The following ANKH variants were observed in gnomAD, a reference collection of about 807,000 sequenced individuals.
ANKH encodes the protein mineralization regulator ANKH.
A neutral mutation model predicts 49.0 loss-of-function variants in ANKH; 15 were observed. The ratio of observed to expected loss-of-function variants is 0.31; its 90% confidence interval spans 0.20 to 0.47. The LOEUF (loss-of-function observed/expected upper bound fraction) is 0.47. Ranked by LOEUF, ANKH falls within the 20% of genes least tolerant of loss-of-function variation. The pLI is 1.00. For missense variants in ANKH, 429 were observed against 652.0 expected, an observed-to-expected ratio of 0.66 and a Z score of 3.72; for synonymous variants, 273 against 260.0, an observed-to-expected ratio of 1.05 and a Z score of -0.48.
At chr5:14,749,420 T>C (rs1367875304) in intron 5 of ANKH, 114 bp from the exon 6 acceptor site, 39 of 1,164,020 alleles carry the variant, frequency 3.4e-5, no homozygotes, top group Non-Finnish European at 4.8e-5. Context: ...TTCACTATAC[T>C]TGAAAGTAAT....
intron 1 of ANKH, among the ~76,000 whole-genome samples, chr5:14,843,175 CTTTTT>C (rs34837612): frequency 3.0e-5 from 4 of 132,252 alleles, no homozygotes; most frequent in Non-Finnish European, 3.2e-5. Context: ...CCAGGGTTCT[CTTTTT>C]TTTTTTTTTT....
chr5:14,853,099 A>G (rs532645701), intron 1 of ANKH, among the ~76,000 whole-genome samples: 4 of 152,210 alleles, frequency 2.6e-5, no homozygotes, highest in African/African-American at 9.6e-5. Context: ...CTTGGCACCA[A>G]CCTCCCCCCA....
At chr5:14,857,123 C>T in intron 1 of ANKH, among the ~76,000 whole-genome samples, 1 of 152,190 alleles carries the variant, frequency 6.6e-6, no homozygotes, top group Middle Eastern at 3.4e-3. Context: ...ATTTGCAGTA[C>T]ATATCGGGTC....
chr5:14,713,795 C>CT lies in ANKH; in HGVS notation c.1142-129dup. The CT allele has an allele frequency of 7.5e-7, 1 of 1,338,686 alleles. No homozygotes were observed. Among genetic ancestry groups the CT allele is most frequent in the Non-Finnish European group, 1.1e-6 (1 of 944,900 alleles). 82.9% of individuals were successfully genotyped at this position (1,338,686 alleles called of 1,614,324 possible). A position where few individuals can be genotyped will look rare whatever the true frequency, so the allele number is the denominator to read the frequency against. ...GGACCCTGGCCTTGCTGTTGAGCCG[C>CT]TGGCCACCTCATCTTCCTGCCAGGG... is the stretch of plus-strand genomic sequence containing the variant. On this transcript the variant is annotated intron_variant, in intron 9 of 11. Coordinates refer to ENST00000284268, the MANE Select transcript of ANKH (RefSeq NM_054027.6). This position sits in a 1 kb window ranked among gnomAD's most constrained non-coding sequence, Gnocchi z 4.4.
Position 14,711,113 on chromosome 5 carries a change from CA to C in ANKH, c.*83del. ...CCAAAACAAAACAAAAAAAAGGGAA[CA>C]AAATACGATGGGAGAGGGAAGAGAT... is the stretch of plus-strand genomic sequence containing the variant. On this transcript the variant is annotated 3_prime_UTR_variant, in exon 12 of 12. Transcript: ENST00000284268. The C allele has an allele frequency of 8.2e-7, 1 of 1,226,684 alleles. No homozygotes were observed. Among genetic ancestry groups the C allele is most frequent in the Non-Finnish European group, 1.2e-6 (1 of 829,372 alleles). The allele number at this position is 1,226,684 out of a possible 1,614,324, so 76.0% of individuals were successfully genotyped here.
chr5:14,781,764 T>G (rs931356986), intron 1 of ANKH, among the ~76,000 whole-genome samples: 1 of 152,202 alleles, frequency 6.6e-6, no homozygotes, highest in African/African-American at 2.4e-5. Context: ...CCCCAAAGCT[T>G]CCTGTGCCAT....
chr5:14,725,808 C>T lies in ANKH; in HGVS notation c.1012-8973G>A, dbSNP rs894500904. ...GTTGCCAGGCTGGAGTGCAGTGGCA[C>T]GATCTTGGCTCACTGCAATCTCCGC... On this transcript the variant is annotated intron_variant, in intron 8 of 11. Coordinates refer to ENST00000284268, the MANE Select transcript of ANKH (RefSeq NM_054027.6). The surrounding 1 kb of genome is among the most constrained non-coding windows in gnomAD (Gnocchi z 4.0). 4.6e-5 allele frequency among the ~76,000 whole-genome samples: 7 copies of T among 152,172 alleles called. No individual in the cohort carries two copies. The highest frequency in any genetic ancestry group is 2.1e-4 in the South Asian group (1 of 4,828).
intron 1 of ANKH, among the ~76,000 whole-genome samples, chr5:14,813,656 A>T (rs1740951078): frequency 6.6e-6 from 1 of 152,146 alleles, no homozygotes; most frequent in Non-Finnish European, 1.5e-5. Flanking sequence ...CGTCTATCAG[A>T]GGCTGAGCTT....
chr5:14,838,058 A>C (rs553786263), intron 1 of ANKH, among the ~76,000 whole-genome samples: 1 of 152,320 alleles, frequency 6.6e-6, no homozygotes, highest in East Asian at 1.9e-4. Flanking sequence ...GTGGGAACTG[A>C]ACAATGAGAA....
intron 2 of ANKH, 112 bp downstream of exon 2, chr5:14,768,863 A>T (rs1230145363): frequency 1.7e-6 from 2 of 1,209,490 alleles, no homozygotes; most frequent in Non-Finnish European, 2.4e-6. Flanking sequence ...TTCATAAGAA[A>T]CATTTGATAA....
At chr5:14,870,049 G>GGAA (rs77268927) in intron 1 of ANKH, 80,962 of 151,752 alleles carry the variant, frequency 0.53, 21,762 homozygotes, top group Middle Eastern at 0.64. Flanking sequence ...GGTGGAGCAG[G>GGAA]GAAGAAGCCC....
chr5:14,862,223 C>T (rs947954844), intron 1 of ANKH, among the ~76,000 whole-genome samples: 1 of 152,180 alleles, frequency 6.6e-6, no homozygotes, highest in Non-Finnish European at 1.5e-5. Flanking sequence ...GCAACAAGAG[C>T]GAAACTGTCT....
intron 1 of ANKH, among the ~76,000 whole-genome samples, chr5:14,807,113 CT>C (rs35180875): frequency 0.2 from 25,673 of 127,582 alleles, 1,992 homozygotes; most frequent in East Asian, 0.45. Flanking sequence ...CATGATATTT[CT>C]TTTTTTTTTT....
rs771064542 is a variant in ANKH at position 14,741,514 on chromosome 5, C to A, written c.1011+313G>T. On this transcript the variant is annotated intron_variant, in intron 8 of 11. Coordinates refer to ENST00000284268, the MANE Select transcript of ANKH (RefSeq NM_054027.6). ...CAGGGGTGGTTGTAAAGTTGACTTT[C>A]GATGTTTAAAAAGTGGGCTAGAAAT... 4 of 293,570 alleles carry A rather than the reference C, an allele frequency of 1.4e-5. No individual in the cohort carries two copies. The South Asian group carries it at 1.5e-4, about 11-fold the overall frequency. 18.2% of individuals were successfully genotyped at this position (293,570 alleles called of 1,614,324 possible).
intron 8 of ANKH, among the ~76,000 whole-genome samples, chr5:14,726,046 T>C (rs1034581452): frequency 1.3e-5 from 2 of 152,188 alleles, no homozygotes; most frequent in African/African-American, 4.8e-5. Context: ...AGAAGTCTTG[T>C]CTTGGGGGAG....
In ANKH at chr5:14,711,599, A is replaced by G. The variant is rs184680011; in HGVS notation, c.1366-289T>C. On this transcript the variant is annotated intron_variant, in intron 11 of 11. Coordinates refer to ENST00000284268, the MANE Select transcript of ANKH (RefSeq NM_054027.6). ...AACCCGCTCCCTGCTGCCCTTTCCA[A>G]TGAGGGCTGCGCTCTCCCCGACTCC... Among the ~76,000 whole-genome samples the G allele has an allele frequency of 7.3e-4, 111 of 152,226 alleles. No homozygotes were observed. In the East Asian group the frequency reaches 7.9e-3, roughly 11 times the overall value.
chr5:14,793,041 TATATATAA>T (rs1414731471), intron 1 of ANKH, among the ~76,000 whole-genome samples: 5 of 47,870 alleles, frequency 1.0e-4, no homozygotes, highest in African/African-American at 4.1e-4. Flanking sequence ...TATAAAAATA[TATATATAA>T]ATATATATAA....
chr5:14,823,915 G>C (rs898203758), intron 1 of ANKH, among the ~76,000 whole-genome samples: 1 of 152,164 alleles, frequency 6.6e-6, no homozygotes, highest in African/African-American at 2.4e-5. Flanking sequence ...GGGTGACAAA[G>C]AGAGACTCCA....
chr5:14,847,005 CA>C lies in ANKH; in HGVS notation c.96+24346del, dbSNP rs386403087. Among the ~76,000 whole-genome samples, 861 of 110,336 alleles carry C rather than the reference CA, an allele frequency of 7.8e-3. 6 individuals are homozygous for C. The highest frequency in any genetic ancestry group is 0.021 in the African/African-American group (607 of 28,430). 72.4% of individuals were successfully genotyped at this position (110,336 alleles called of 152,430 possible). Reference sequence around the variant, plus strand: ...CCTGGGAAACAGTGTAAGACTGCCTCAAAAAAAAAAAAAAAAACAATGAAAC... The same window carrying C: ...CCTGGGAAACAGTGTAAGACTGCCTCAAAAAAAAAAAAAAAACAATGAAAC... On this transcript the variant is annotated intron_variant, in intron 1 of 11. Coordinates refer to ENST00000284268, the MANE Select transcript of ANKH (RefSeq NM_054027.6).
Sources: allele counts gnomAD v4.1 joint callset (sites outside exome capture counted in the v4.1 genomes callset), GRCh38; gene constraint gnomAD v4.1.1; non-coding constraint Gnocchi (gnomAD v3.1); transcripts MANE v1.5; gene names NCBI Gene and HGNC (gene_info 2026-07-23, HGNC 2026-07-21).